MPDZ: variants seen among roughly 807,000 people sequenced by gnomAD.
MPDZ encodes multiple PDZ domain crumbs cell polarity complex component.
A neutral mutation model predicts 239.1 loss-of-function variants in MPDZ; 234 were observed. The ratio of observed to expected loss-of-function variants is 0.98; its 90% CI spans 0.88 to 1.09. The LOEUF is 1.09. Ranked by LOEUF, MPDZ falls within the 50% of genes least tolerant of loss-of-function variation. The pLI is 0.00. For missense variants in MPDZ, 3,175 were observed against 2,510.0 expected, an observed-to-expected ratio of 1.26 and a Z score of -5.66; for synonymous variants, 1,048 against 881.3, an observed-to-expected ratio of 1.19 and a Z score of -3.35.
At chr9:13,236,465 G>A (rs1171323749) in intron 3 of MPDZ, among the ~76,000 whole-genome samples, 11 of 149,858 alleles carry the variant, frequency 7.3e-5, no homozygotes, top group Admixed American at 6.7e-5. Context: ...ATTTTTAGTA[G>A]AGACTGGGTT....
intron 13 of MPDZ, among the ~76,000 whole-genome samples, chr9:13,194,516 G>A (rs1587691948): frequency 6.6e-6 from 1 of 151,942 alleles, no homozygotes; most frequent in East Asian, 1.9e-4. Context: ...AGGACACAGG[G>A]AGGGAAACAT....
intron 28 of MPDZ, among the ~76,000 whole-genome samples, chr9:13,139,294 C>T (rs1469392447): frequency 6.6e-6 from 1 of 152,162 alleles, no homozygotes; most frequent in Non-Finnish European, 1.5e-5. Flanking sequence ...CTTTTTAAAA[C>T]AATGACATTG....
chr9:13,266,461 G>A (rs867660234), intron 1 of MPDZ, among the ~76,000 whole-genome samples: 21 of 152,202 alleles, frequency 1.4e-4, no homozygotes, highest in Middle Eastern at 3.4e-3. Flanking sequence ...CCTTCTCTTG[G>A]CCCATTCTTT....
intron 2 of MPDZ, among the ~76,000 whole-genome samples, chr9:13,248,315 A>C (rs1056556098): frequency 6.6e-6 from 1 of 152,148 alleles, no homozygotes; most frequent in African/African-American, 2.4e-5. Flanking sequence ...AATATTTTAA[A>C]TCTTTCTCCA....
intron 3 of MPDZ, among the ~76,000 whole-genome samples, chr9:13,245,835 C>T (rs1042630056): frequency 7.9e-5 from 12 of 152,030 alleles, no homozygotes; most frequent in East Asian, 5.8e-4. Flanking sequence ...CTTAATAGGC[C>T]GGCCTATTTG....
At chr9:13,153,710 T>C (rs538160814) in intron 24 of MPDZ, among the ~76,000 whole-genome samples, 4 of 152,240 alleles carry the variant, frequency 2.6e-5, no homozygotes, top group African/African-American at 9.6e-5. Flanking sequence ...ATTGTACATA[T>C]AGTACATTTT....
chr9:13,149,733 T>A (rs947273427), intron 25 of MPDZ, among the ~76,000 whole-genome samples: 8 of 151,846 alleles, frequency 5.3e-5, no homozygotes, highest in African/African-American at 1.9e-4. Context: ...GAGAGGAGAG[T>A]CTATTTAAAA....
At chr9:13,109,191 T>C in intron 45 of MPDZ, 132 bp from the exon 46 acceptor site, 1 of 726,944 alleles carries the variant, frequency 1.4e-6, no homozygotes, top group African/African-American at 1.8e-5. Context: ...ATATTACGGG[T>C]ATTTTTGAGA....
At chr9:13,109,106 ACT>A in intron 45 of MPDZ, 47 bp from the exon 46 acceptor site, 1 of 1,262,224 alleles carries the variant, frequency 7.9e-7, no homozygotes, top group Non-Finnish European at 1.0e-6. Flanking sequence ...AAAAAAAAAA[ACT>A]ATACATATAT....
At chr9:13,171,849 G>A (rs892998414) in intron 21 of MPDZ, among the ~76,000 whole-genome samples, 1 of 152,016 alleles carries the variant, frequency 6.6e-6, no homozygotes, top group African/African-American at 2.4e-5. Flanking sequence ...GCAAACAACT[G>A]CATATAGCTG....
intron 3 of MPDZ, among the ~76,000 whole-genome samples, chr9:13,236,249 G>GTGTGTATATA (rs1329605248): frequency 2.8e-5 from 1 of 35,850 alleles, no homozygotes; most frequent in African/African-American, 1.2e-4. Flanking sequence ...GTGTGTGTGT[G>GTGTGTATATA]TATATATATA....
intron 1 of MPDZ, among the ~76,000 whole-genome samples, chr9:13,253,225 T>TA (rs370161594): frequency 0.82 from 118,557 of 143,774 alleles, 48,988 homozygotes; most frequent in East Asian, 0.99. Context: ...ACACAAAGGT[T>TA]AAAAAAAAAA....
intron 22 of MPDZ, among the ~76,000 whole-genome samples, chr9:13,163,011 G>C (rs1331672): frequency 0.4 from 60,545 of 151,924 alleles, 13,432 homozygotes; most frequent in African/African-American, 0.6. Context: ...GTTTTTAAAT[G>C]CTGCTGATTA....
At chr9:13,178,648 CA>C (rs777541028) in intron 19 of MPDZ, among the ~76,000 whole-genome samples, 5 of 152,110 alleles carry the variant, frequency 3.3e-5, no homozygotes, top group African/African-American at 4.8e-5. Flanking sequence ...CAGGAGCCTC[CA>C]AGAGAAAACT....
intron 1 of MPDZ, among the ~76,000 whole-genome samples, chr9:13,259,473 G>A (rs1431011853): frequency 6.6e-6 from 1 of 152,156 alleles, no homozygotes; most frequent in African/African-American, 2.4e-5. Flanking sequence ...CAGCATTGGA[G>A]AAATGATGAT....
chr9:13,241,221 C>G (rs1023724748), intron 3 of MPDZ, among the ~76,000 whole-genome samples: 1 of 149,870 alleles, frequency 6.7e-6, no homozygotes, highest in Non-Finnish European at 1.5e-5. Context: ...ACCACTCATT[C>G]TCTTTTAACT....
rs1369078759 is a variant in MPDZ at position 13,107,056 on chromosome 9, T to A, written c.6122A>T (p.Asn2041Ile). The change falls in exon 47 of 47, where the codon AAT (asparagine) becomes ATT (isoleucine). Residue 2041 changes from asparagine to isoleucine, a missense_variant. Asn to Ile is a moderately radical substitution (Grantham distance 149). Transcript: ENST00000319217. ...LKRGDQIIAVNGQSLEGVTHE... is the reference protein window; with the variant it reads ...LKRGDQIIAVIGQSLEGVTHE... Reference sequence around the variant, plus strand: ...GGTGACTCCTTCTAGACTCTGCCCATTGACAGCAATGATCTGATCGCCCCT... The same window carrying A: ...GGTGACTCCTTCTAGACTCTGCCCAATGACAGCAATGATCTGATCGCCCCT... 2 of 1,609,026 alleles carry A rather than the reference T, an allele frequency of 1.2e-6. No individual in the cohort carries two copies. Among genetic ancestry groups the A allele is most frequent in the Admixed American group, 3.3e-5 (2 of 59,986 alleles).
chr9:13,107,070 C>G lies in MPDZ; in HGVS notation c.6108G>C (p.Gln2036His). 6.3e-7 allele frequency: 1 copy of G among 1,595,770 alleles called. No homozygotes were observed. The highest frequency in any genetic ancestry group is 8.6e-7 in the Non-Finnish European group (1 of 1,165,866). ...SEDGRLKRGDQIIAVNGQSLE... is the reference protein window; with the variant it reads ...SEDGRLKRGDHIIAVNGQSLE... ...GACTCTGCCCATTGACAGCAATGAT[C>G]TGATCGCCCCTTTTCAGACGTCCGT... The change falls in exon 47 of 47, where the codon CAG (glutamine) becomes CAC (histidine). Residue 2036 changes from glutamine (Q) to histidine (H), a missense_variant. Coordinates refer to ENST00000319217, the MANE Select transcript of MPDZ (RefSeq NM_001378778.1).
In MPDZ at chr9:13,222,206, T is replaced by C. The variant is rs200862334; in HGVS notation, c.747+27A>G. ...AAAACAACTTGAAAAATACGTTCTG[T>C]TCCTTTTGAAAATTTTAGGTACTCA... On this transcript the variant is annotated intron_variant, in intron 6 of 46. Transcript: ENST00000319217. The C allele has an allele frequency of 1.0e-4, 159 of 1,587,102 alleles. 1 individual carries two copies. In the East Asian group the frequency reaches 3.4e-3, roughly 34 times the overall value.
Sources: gnomAD v4.1 joint callset for allele counts (sites outside exome capture counted in the v4.1 genomes callset) on GRCh38, gnomAD v4.1.1 for gene constraint, MANE v1.5 for transcripts, NCBI Gene and HGNC (gene_info 2026-07-23, HGNC 2026-07-21) for gene names.